Variants in MID1 observed in about 807,000 individuals in gnomAD.
MID1 encodes midline 1.
Under a neutral mutation model 40.4 loss-of-function variants are expected in MID1, and 7 were observed. That is an observed-to-expected ratio of 0.17 (90% CI 0.10 to 0.33). The LOEUF (loss-of-function observed/expected upper bound fraction) is 0.33, where lower values mean the gene tolerates loss of function less well. Ranked by LOEUF, MID1 falls within the 10% of genes least tolerant of loss-of-function variation. The probability of loss-of-function intolerance (pLI) is 1.00; values close to 1 mark genes in which losing one functional copy is unlikely to be tolerated. For missense variants in MID1, 367 were observed against 558.5 expected, an observed-to-expected ratio of 0.66 and a Z score of 3.46; for synonymous variants, 229 against 221.2, an observed-to-expected ratio of 1.04 and a Z score of -0.31.
At chrX:10,644,105 G>A (rs1936235856) in intron 1 of MID1, among the ~76,000 whole-genome samples, 1 of 111,267 alleles carries the variant, frequency 9.0e-6, no homozygotes, top group African/African-American at 3.3e-5. Flanking sequence ...GTATACATAT[G>A]TAACAAACCT....
chrX:10,723,701 G>A (rs1422072055), intron 1 of MID1, among the ~76,000 whole-genome samples: 2 of 112,312 alleles, frequency 1.8e-5, no homozygotes, highest in African/African-American at 3.2e-5. Context: ...ACAGGCGCCC[G>A]CCACCGCGCC....
chrX:10,647,841 C>T (rs1263266101), intron 1 of MID1, among the ~76,000 whole-genome samples: 3 of 111,930 alleles, frequency 2.7e-5, no homozygotes, highest in Non-Finnish European at 5.6e-5. Flanking sequence ...ACAAATTACC[C>T]AGAATAAGAA....
intron 7 of MID1, among the ~76,000 whole-genome samples, chrX:10,468,453 A>ATCC: frequency 8.9e-6 from 1 of 112,823 alleles, no homozygotes; most frequent in East Asian, 2.8e-4. Flanking sequence ...AGGTTTATAT[A>ATCC]ATAAAAGCAC....
intron 1 of MID1, among the ~76,000 whole-genome samples, chrX:10,734,444 C>T (rs13440501): frequency 0.099 from 10,870 of 109,263 alleles, 580 homozygotes; most frequent in African/African-American, 0.21. Context: ...GGGTATTGGG[C>T]TTAATTAATA....
At position 10,472,322 on chromosome X, in the gene MID1, T is replaced by C. The variant is rs142228463; in HGVS notation, c.1141+2301A>G. Among the ~76,000 whole-genome samples the C allele has an allele frequency of 4.2e-3, 472 of 112,692 alleles. 3 individuals are homozygous for C. The highest frequency in any genetic ancestry group is 0.015 in the African/African-American group (460 of 31,078). The stretch of plus-strand genomic sequence containing the variant: ...AGAAGACATAATAGCAGGTACCCCA[T>C]ATGGCCTTTAGTTTGAAATAAACAG... On this transcript the variant is annotated intron_variant, in intron 6 of 9. Coordinates refer to ENST00000317552, the MANE Select transcript of MID1 (RefSeq NM_000381.4).
chrX:10,782,381 G>A (rs947253218), intron 1 of MID1, among the ~76,000 whole-genome samples: 11 of 111,434 alleles, frequency 9.9e-5, no homozygotes, highest in South Asian at 3.8e-4. Context: ...TCCTTTCTTC[G>A]TTACTTCTCT....
intron 1 of MID1, among the ~76,000 whole-genome samples, chrX:10,819,179 C>G (rs1340006015): frequency 9.0e-6 from 1 of 110,701 alleles, no homozygotes; most frequent in Non-Finnish European, 1.9e-5. Flanking sequence ...CTGTGTGTGT[C>G]TCTCTTTCTC....
intron 7 of MID1, among the ~76,000 whole-genome samples, chrX:10,468,011 C>G (rs1929481396): frequency 9.0e-6 from 1 of 111,344 alleles, no homozygotes; most frequent in African/African-American, 3.3e-5. Context: ...TTTTTCAAGA[C>G]TTAGTTTAAC....
At chrX:10,712,006 C>T (rs1012810469) in intron 1 of MID1, among the ~76,000 whole-genome samples, 2 of 111,981 alleles carry the variant, frequency 1.8e-5, no homozygotes, top group Admixed American at 1.9e-4. Context: ...CCCCAATTAT[C>T]GATAATGCCA....
At chrX:10,693,990 T>G (rs1364112067) in intron 1 of MID1, among the ~76,000 whole-genome samples, 1 of 112,394 alleles carries the variant, frequency 8.9e-6, no homozygotes. Context: ...AGAGTTGGCA[T>G]AAAGATTATT....
chrX:10,664,761 T>C (rs1220712528), intron 1 of MID1, among the ~76,000 whole-genome samples: 4 of 112,012 alleles, frequency 3.6e-5, no homozygotes, highest in Non-Finnish European at 5.6e-5. Context: ...CCGTGATGGC[T>C]CCTGGTAGTT....
chrX:10,456,289 G>A (rs1928664374), intron 8 of MID1, among the ~76,000 whole-genome samples: 1 of 111,897 alleles, frequency 8.9e-6, no homozygotes, highest in Non-Finnish European at 1.9e-5. Flanking sequence ...TTTAGGTCAC[G>A]GACCAGCATA....
Position 10,447,362 on chromosome X carries a change from A to T in MID1, c.*2006T>A, listed in dbSNP as rs1261133945. The T allele has an allele frequency of 9.0e-6, 1 of 111,663 alleles. No homozygotes were observed. The highest frequency in any genetic ancestry group is 1.9e-5 in the Non-Finnish European group (1 of 53,142). The allele number at this position is 111,663 out of a possible 1,213,427, so 9.2% of individuals were successfully genotyped here. A position where few individuals can be genotyped will look rare whatever the true frequency, so the allele number is the denominator to read the frequency against. On this transcript the variant is annotated 3_prime_UTR_variant, in exon 10 of 10. Transcript: ENST00000317552. ...CATTTATTGGTACCTGGAGACCGTGATTTTAAAAACTCAGAAGCTGAGTTT... is the reference window on the plus strand; with the variant it reads ...CATTTATTGGTACCTGGAGACCGTGTTTTTAAAAACTCAGAAGCTGAGTTT...
At chrX:10,587,745 A>T (rs1312150251) in intron 1 of MID1, among the ~76,000 whole-genome samples, 3 of 112,086 alleles carry the variant, frequency 2.7e-5, no homozygotes, top group Non-Finnish European at 5.6e-5. Flanking sequence ...ATGATCTTCT[A>T]GTAAAATGAA....
chrX:10,703,776 T>C (rs1216640894), intron 1 of MID1, among the ~76,000 whole-genome samples: 2 of 112,583 alleles, frequency 1.8e-5, no homozygotes, highest in Admixed American at 9.4e-5. Context: ...TAAAGTAAGA[T>C]GTGATTGAAG....
intron 1 of MID1, among the ~76,000 whole-genome samples, chrX:10,785,887 C>T (rs955068350): frequency 8.9e-6 from 1 of 111,765 alleles, no homozygotes; most frequent in African/African-American, 3.3e-5. Flanking sequence ...TAGGTATTAC[C>T]ATTCAGGACA....
intron 1 of MID1, among the ~76,000 whole-genome samples, chrX:10,685,877 T>TACACACACACACACACACAC (rs56245034): frequency 5.0e-5 from 4 of 80,494 alleles, no homozygotes; most frequent in Admixed American, 2.9e-4. Flanking sequence ...CACATACTCA[T>TACACACACACACACACACAC]ACACACACAC....
intron 1 of MID1, among the ~76,000 whole-genome samples, chrX:10,827,585 C>T (rs1156672694): frequency 9.2e-6 from 1 of 108,671 alleles, no homozygotes; most frequent in Non-Finnish European, 1.9e-5. Flanking sequence ...CCCCACCAAG[C>T]GCGCTGGTTC....
rs996837889 is a variant in MID1, at chrX:10,724,122, G to A, written c.-186-103703C>T. ...CTGTTGCCCAGGCTGGAGTGCAGTG[G>A]TATTATCTCGGCTCACTGCAGCCTC... On this transcript the variant is annotated intron_variant, in intron 1 of 10. Transcript: ENST00000380785. 2.7e-5 allele frequency among the ~76,000 whole-genome samples: 3 copies of A among 111,300 alleles called. No homozygotes were observed. In the Admixed American group the frequency reaches 2.9e-4, roughly 11 times the overall value.
Sources: gnomAD v4.1 joint callset for allele counts (sites outside exome capture counted in the v4.1 genomes callset) on GRCh38, gnomAD v4.1.1 for gene constraint, MANE v1.5 for transcripts, NCBI Gene and HGNC (gene_info 2026-07-23, HGNC 2026-07-21) for gene names.